NPHP4: variants seen among roughly 807,000 people sequenced by gnomAD.
The protein encoded by NPHP4 is nephrocystin 4.
Under a neutral mutation model 155.8 loss-of-function variants are expected in NPHP4, and 151 were observed. That is an observed-to-expected ratio of 0.97 (90% CI 0.85 to 1.11). The LOEUF is 1.11. Ranked by LOEUF, NPHP4 falls within the 50% of genes least tolerant of loss-of-function variation. The pLI, the probability that NPHP4 is intolerant of heterozygous loss-of-function variation, is 0.00. For synonymous variants in NPHP4, 845 were observed against 816.8 expected, an observed-to-expected ratio of 1.03 and a Z score of -0.59; for missense variants, 1,956 against 1,925.7, an observed-to-expected ratio of 1.02 and a Z score of -0.29.
Position 5,947,140 on chromosome 1 carries a change from C to T in NPHP4, c.1083G>A (p.Glu361=), listed in dbSNP as rs762165690. ...CTCCTGCAGGGCTGCTGAACACGTA[C>T]TCCAGCTGGAAGATGACCGCAAATG... is the stretch of plus-strand genomic sequence containing the variant. ...HPAFAVIFQL[E]YVFSSPAGVD... Residue 361 remains glutamate, a synonymous_variant, in exon 9 of 30, where the codon GAG becomes GAA. Coordinates refer to ENST00000378156, the MANE Select transcript of NPHP4 (RefSeq NM_015102.5). The T allele has an allele frequency of 4.3e-6, 7 of 1,613,890 alleles. No homozygotes were observed.
chr1:5,863,341 T>C lies in NPHP4; in HGVS notation c.4205A>G (p.Glu1402Gly). Residue 1402 changes from glutamate (E) to glycine (G), a missense_variant, in exon 30 of 30, where the codon GAG becomes GGG. Physicochemically the swap from Glu to Gly is moderately conservative, Grantham distance 98 (BLOSUM62 -2). Coordinates refer to ENST00000378156, the MANE Select transcript of NPHP4 (RefSeq NM_015102.5). Reference sequence around the variant, plus strand: ...GTCATTGATGTAGATCAGGATCTCCTCCTCACCCACTCTCTGACTAGGCGC... The same window carrying C: ...GTCATTGATGTAGATCAGGATCTCCCCCTCACCCACTCTCTGACTAGGCGC... ...QFAPSQRVGE[E>G]EILIYINDHE... is the part of the protein sequence containing the mutation. 6.2e-7 allele frequency: 1 copy of C among 1,613,934 alleles called. No individual in the cohort carries two copies. The highest frequency in any genetic ancestry group is 1.3e-5 in the African/African-American group (1 of 75,046).
chr1:5,905,920 AT>A lies in NPHP4; in HGVS notation c.1612-138del. The A allele has an allele frequency of 1.4e-6, 1 of 719,190 alleles. No individual in the cohort carries two copies. The allele number at this position is 719,190 out of a possible 1,614,324, so 44.6% of individuals were successfully genotyped here. ...AGCTCTAGCAAATACAAAAGGTTCA[AT>A]TACACTTGAATTTCAGGTAAACAAC... On this transcript the variant is annotated intron_variant, in intron 13 of 29. Coordinates refer to ENST00000378156, the MANE Select transcript of NPHP4 (RefSeq NM_015102.5). This position sits in a 1 kb window ranked among gnomAD's most constrained non-coding sequence, Gnocchi z 4.0.
At chr1:5,989,985 C>A (rs1426240972) in intron 1 of NPHP4, among the ~76,000 whole-genome samples, 2 of 152,222 alleles carry the variant, frequency 1.3e-5, no homozygotes, top group East Asian at 3.8e-4. Context: ...GCAGGGCAGT[C>A]CTAGTCTGAG....
Position 5,877,105 on chromosome 1 carries a change from C to A in NPHP4, c.2805G>T (p.Gly935=), listed in dbSNP as rs750909993. Residue 935 remains glycine, a synonymous_variant, in exon 20 of 30, where the codon GGG becomes GGT. Coordinates refer to ENST00000378156, the MANE Select transcript of NPHP4 (RefSeq NM_015102.5). ...QEAGGDLGRR[G]TSVLAQQSVR... is the part of the protein sequence containing the mutation. ...AACAAACCCTTACCAACACGCTCGT[C>A]CCGCGCCGGCCCAAGTCTCCCCCGG... is the stretch of plus-strand genomic sequence containing the variant. 2.5e-6 allele frequency: 4 copies of A among 1,576,162 alleles called. No homozygotes were observed.
intron 2 of NPHP4, among the ~76,000 whole-genome samples, chr1:5,980,859 C>A (rs996578913): frequency 6.6e-6 from 1 of 152,140 alleles, no homozygotes. Flanking sequence ...GCACCGGGGC[C>A]TGGCCCCCAG....
intron 23 of NPHP4, among the ~76,000 whole-genome samples, chr1:5,868,785 A>G (rs1231123987): frequency 7.4e-6 from 1 of 134,718 alleles, no homozygotes; most frequent in Non-Finnish European, 1.6e-5. Context: ...GCACACACGC[A>G]CACAATGCAC....
chr1:5,880,625 A>C, intron 18 of NPHP4: 1 of 244,176 alleles, frequency 4.1e-6, no homozygotes, highest in Non-Finnish European at 8.2e-6. Context: ...GCCTGTGTGC[A>C]TTTACACGTG....
chr1:5,975,277 A>C (rs1653341632), intron 3 of NPHP4, among the ~76,000 whole-genome samples: 1 of 152,240 alleles, frequency 6.6e-6, no homozygotes, highest in Non-Finnish European at 1.5e-5. Flanking sequence ...AATGCCAAGC[A>C]CATGGAGGAA....
chr1:5,971,849 CAG>C (rs1388025497), intron 3 of NPHP4, among the ~76,000 whole-genome samples: 1 of 152,282 alleles, frequency 6.6e-6, no homozygotes, highest in Non-Finnish European at 1.5e-5. Context: ...TCACTGGAGA[CAG>C]AGGGAGACGG....
chr1:5,991,641 G>A (rs1656315931), intron 1 of NPHP4: 1 of 152,244 alleles, frequency 6.6e-6, no homozygotes, highest in Non-Finnish European at 1.5e-5. Flanking sequence ...TCCGGGCCGG[G>A]TCGGCCGGGA....
intron 16 of NPHP4, among the ~76,000 whole-genome samples, chr1:5,897,447 G>A (rs1644448694): frequency 6.6e-6 from 1 of 152,176 alleles, no homozygotes; most frequent in Admixed American, 6.5e-5. Context: ...CTGAGGTGGT[G>A]GGCTGTGAAG....
chr1:5,933,597 C>A (rs1646389474), intron 9 of NPHP4, among the ~76,000 whole-genome samples: 2 of 152,120 alleles, frequency 1.3e-5, no homozygotes, highest in Non-Finnish European at 2.9e-5. Context: ...CCTTTTCTGG[C>A]CCAAGGTAGT....
At chr1:5,935,300 G>T (rs2101774549) in intron 9 of NPHP4, among the ~76,000 whole-genome samples, 1 of 152,182 alleles carries the variant, frequency 6.6e-6, no homozygotes. Context: ...CCAGATCATG[G>T]GCCAGGTTAC....
At chr1:5,947,952 GA>G (rs1242309243) in intron 8 of NPHP4, 117 bp downstream of exon 8, 3 of 773,080 alleles carry the variant, frequency 3.9e-6, no homozygotes, top group Non-Finnish European at 6.5e-6. Context: ...CAAGAGGAAA[GA>G]AACACAAGGA....
At chr1:5,981,409 A>G (rs1197077864) in intron 2 of NPHP4, among the ~76,000 whole-genome samples, 1 of 152,212 alleles carries the variant, frequency 6.6e-6, no homozygotes, top group Non-Finnish European at 1.5e-5. Flanking sequence ...TGCCCAATAC[A>G]TATCAAGCTG....
chr1:5,868,021 C>T lies in NPHP4; in HGVS notation c.3316-125G>A, dbSNP rs1307932583. On this transcript the variant is annotated intron_variant, in intron 23 of 29. Transcript: ENST00000378156. ...CCCCCTCACCCTCCACTGCCATGAG[C>T]GGGGAAGGTCGGGCATCGTCAAAGG... The T allele has an allele frequency of 1.5e-5, 15 of 1,012,690 alleles. No individual in the cohort carries two copies. In the East Asian group the frequency reaches 1.8e-4, roughly 12 times the overall value. The allele number at this position is 1,012,690 out of a possible 1,614,324, so 62.7% of individuals were successfully genotyped here.
At position 5,864,508 on chromosome 1, in the gene NPHP4, T is replaced by C; in HGVS notation, c.3826A>G (p.Lys1276Glu). Residue 1276 changes from lysine to glutamate, a missense_variant, in exon 28 of 30, where the codon AAA (lysine) becomes GAA (glutamate). Coordinates refer to ENST00000378156, the MANE Select transcript of NPHP4 (RefSeq NM_015102.5). ...CGAGGCGGCAGCACGAAGACACCTT[T>C]GGGGTCTGTCTTCAAGAGCGAGAGA... ...SHPQELKTDP[K>E]GVFVLPPRGV... 1 of 1,575,624 alleles carries C rather than the reference T, an allele frequency of 6.3e-7. No individual in the cohort carries two copies. The highest frequency in any genetic ancestry group is 1.2e-5 in the South Asian group (1 of 86,866).
intron 11 of NPHP4, among the ~76,000 whole-genome samples, 163 bp from the exon 12 acceptor site, chr1:5,909,376 C>T (rs1206517263): frequency 1.3e-5 from 2 of 152,142 alleles, no homozygotes; most frequent in Admixed American, 1.3e-4. Context: ...AGCAAGGGTG[C>T]CACCCAAAAG....
chr1:5,909,029 C>T, intron 12 of NPHP4, 123 bp downstream of exon 12: 2 of 823,880 alleles, frequency 2.4e-6, no homozygotes, highest in Non-Finnish European at 2.1e-6. Flanking sequence ...CCGCCGCCAG[C>T]AGGCCCTCCC....
Sources: gnomAD v4.1 joint callset for allele counts (sites outside exome capture counted in the v4.1 genomes callset) on GRCh38, gnomAD v4.1.1 for gene constraint, Gnocchi (gnomAD v3.1) non-coding constraint, MANE v1.5 for transcripts, NCBI Gene and HGNC (gene_info 2026-07-23, HGNC 2026-07-21) for gene names.